Variants in FAM193B observed in about 807,000 individuals in gnomAD.
FAM193B encodes the protein protein FAM193B.
A neutral mutation model predicts 70.7 loss-of-function variants in FAM193B; 27 were observed. The observed-to-expected ratio is 0.38, with a 90% CI of 0.28 to 0.53. The LOEUF (loss-of-function observed/expected upper bound fraction) is 0.53. Ranked by LOEUF, FAM193B falls within the 20% of genes least tolerant of loss-of-function variation. FAM193B has a pLI of 0.81. For synonymous variants in FAM193B, 448 were observed against 436.0 expected (o/e 1.03, Z -0.34); for missense variants, 1,022 against 1,072.5 (o/e 0.95, Z 0.66).
intron 1 of FAM193B, 188 bp downstream of exon 1, chr5:177,554,058 GCCT>G (rs1766699684): frequency 7.4e-7 from 1 of 1,355,398 alleles, no homozygotes; most frequent in African/African-American, 1.5e-5. Context: ...CGCGGACCGA[GCCT>G]CGGCTTTGGG....
intron 7 of FAM193B, chr5:177,523,369 T>A (rs914993276): frequency 4.2e-6 from 1 of 237,266 alleles, no homozygotes; most frequent in South Asian, 4.0e-5. Flanking sequence ...TTTGTTTTTT[T>A]TCCTGAATAT....
At chr5:177,521,678 G>T (rs1761762818) in intron 8 of FAM193B, among the ~76,000 whole-genome samples, 1 of 152,256 alleles carries the variant, frequency 6.6e-6, no homozygotes, top group Admixed American at 6.5e-5. Context: ...GACCCTGATG[G>T]TTATGCCTTA....
chr5:177,531,176 TGAG>T, intron 5 of FAM193B: 14 of 1,149,486 alleles, frequency 1.2e-5, no homozygotes, highest in Non-Finnish European at 1.6e-5. Context: ...TGAGCCAAGC[TGAG>T]GCCTTTGGCA....
intron 8 of FAM193B, among the ~76,000 whole-genome samples, chr5:177,520,620 G>A (rs967712055): frequency 2.0e-5 from 3 of 152,254 alleles, no homozygotes; most frequent in African/African-American, 7.2e-5. Context: ...GTCAAGAGGA[G>A]GCAGTGGAAG....
intron 1 of FAM193B, chr5:177,554,006 G>C: frequency 7.7e-7 from 1 of 1,300,912 alleles, no homozygotes; most frequent in South Asian, 1.6e-5. Context: ...AACGCCCGGA[G>C]GCGGCGGGGA....
chr5:177,536,461 G>A lies in FAM193B; in HGVS notation c.973C>T (p.Pro325Ser), dbSNP rs550308150. 3.1e-6 allele frequency: 5 copies of A among 1,588,322 alleles called. No individual in the cohort carries two copies. The highest frequency in any genetic ancestry group is 4.3e-6 in the Non-Finnish European group (5 of 1,171,486). ...CAGGGGTGGCTGCACCCCGAGAATG[G>A]TGGGGGCATCTTCAGGAGCGGCATG... ...TSMPLLKMPP[P>S]FSGCSHPCSG... The change falls in exon 4 of 9, where the codon CCA becomes TCA. Residue 325 changes from proline (P) to serine (S), a missense_variant. Pro to Ser is a moderately conservative substitution (Grantham distance 74). Transcript: ENST00000514747.
chr5:177,525,554 C>A (rs561322441), intron 5 of FAM193B: 1 of 207,756 alleles, frequency 4.8e-6, no homozygotes, highest in East Asian at 1.0e-4. Context: ...TTCTCTCCAC[C>A]CCTACGGGTG....
In FAM193B at chr5:177,524,240, G is replaced by T. The variant is rs1195633198; in HGVS notation, c.2241C>A (p.Gly747=). The change falls in exon 6 of 9, where the codon GGC becomes GGA. Residue 747 remains glycine, a synonymous_variant. Transcript: ENST00000514747. The part of the protein sequence containing the change: ...GPARPQSLPQ[G]KGRSRRSRNK... Reference sequence around the variant, plus strand: ...TGCGGCTCCGGCGGCTGCGGCCCTTGCCCTGGGGCAAGCTCTGTGGCCTTG... The same window carrying T: ...TGCGGCTCCGGCGGCTGCGGCCCTTTCCCTGGGGCAAGCTCTGTGGCCTTG... The T allele has an allele frequency of 1.3e-6, 2 of 1,551,880 alleles. No homozygotes were observed. The highest frequency in any genetic ancestry group is 2.7e-5 in the African/African-American group (2 of 72,980).
In FAM193B at chr5:177,532,548, T is replaced by C. The variant is rs1347917653; in HGVS notation, c.1170A>G (p.Glu390=). Residue 390 remains glutamate, a synonymous_variant, in exon 5 of 9, where the codon GAA becomes GAG. Transcript: ENST00000514747. This position sits in a 1 kb window ranked among gnomAD's most constrained non-coding sequence, Gnocchi z 4.9. ...AGCTTCGCTCAGAGCTGCTATCCTC[T>C]TCCTCACCCAGCCCCTCATCTGCCT... ...PCEADEGLGE[E]EDSSSERSSC... 2 of 1,605,756 alleles carry C rather than the reference T, an allele frequency of 1.2e-6. No homozygotes were observed. The highest frequency in any genetic ancestry group is 1.3e-5 in the African/African-American group (1 of 74,724).
Position 177,554,272 on chromosome 5 carries a change from G to C in FAM193B, c.187C>G (p.Pro63Ala), listed in dbSNP as rs533041891. The C allele has an allele frequency of 1.5e-4, 222 of 1,474,404 alleles. No individual in the cohort carries two copies. Among genetic ancestry groups the C allele is most frequent in the Non-Finnish European group, 2.0e-4 (218 of 1,116,012 alleles). The allele number at this position is 1,474,404 out of a possible 1,614,324, so 91.3% of individuals were successfully genotyped here. The change falls in exon 1 of 9, where the codon CCC becomes GCC. Residue 63 changes from proline to alanine, a missense_variant. By Grantham distance (27) the Pro-to-Ala change is conservative. Transcript: ENST00000514747. The stretch of plus-strand genomic sequence containing the variant: ...ACCTGCGGGCCGGGCACCAGGTTGG[G>C]TTCGTCATCCTCCCTGGGGCCGTCG... ...DHDGPREDDE[P>A]NLVPGPQVPP...
At chr5:177,527,950 T>C (rs1762869424) in intron 5 of FAM193B, among the ~76,000 whole-genome samples, 1 of 152,128 alleles carries the variant, frequency 6.6e-6, no homozygotes, top group South Asian at 2.1e-4. Context: ...CCAGTAGCAG[T>C]TGGAGACGTG....
At chr5:177,521,888 A>C (rs1463905069) in intron 8 of FAM193B, 86 bp downstream of exon 8, 2 of 1,040,798 alleles carry the variant, frequency 1.9e-6, no homozygotes, top group Non-Finnish European at 1.5e-6. Context: ...CCTGTGCCCC[A>C]GAGCACAGAA....
chr5:177,534,072 G>A (rs1031989615), intron 4 of FAM193B, among the ~76,000 whole-genome samples: 2 of 152,252 alleles, frequency 1.3e-5, no homozygotes, highest in African/African-American at 4.8e-5. Context: ...GCTGGGCTGA[G>A]GCTGAGGTGG....
chr5:177,539,912 C>T (rs930749541), intron 1 of FAM193B, among the ~76,000 whole-genome samples: 5 of 152,100 alleles, frequency 3.3e-5, no homozygotes, highest in African/African-American at 1.2e-4. Context: ...ATCATCACTG[C>T]GTAGCAGGTA....
chr5:177,543,087 C>T (rs983934055), intron 1 of FAM193B, among the ~76,000 whole-genome samples: 3 of 152,178 alleles, frequency 2.0e-5, no homozygotes, highest in African/African-American at 7.2e-5. Context: ...GAGTAAAAGA[C>T]TGCATTCTTT....
Position 177,538,866 on chromosome 5 carries a change from C to T in FAM193B, c.453+39G>A. Reference sequence around the variant, plus strand: ...ACAGCCTGACTTCCTTGGGGAGGAGCCCTCCTGCATTCAGGGACCCCTGTC... The same window carrying T: ...ACAGCCTGACTTCCTTGGGGAGGAGTCCTCCTGCATTCAGGGACCCCTGTC... On this transcript the variant is annotated intron_variant, in intron 2 of 8. Coordinates refer to ENST00000514747, the MANE Select transcript of FAM193B (RefSeq NM_001190946.3). This position sits in a 1 kb window ranked among gnomAD's most constrained non-coding sequence, Gnocchi z 4.1. The T allele has an allele frequency of 6.2e-7, 1 of 1,607,830 alleles. No individual in the cohort carries two copies. The highest frequency in any genetic ancestry group is 8.5e-7 in the Non-Finnish European group (1 of 1,175,742).
intron 8 of FAM193B, among the ~76,000 whole-genome samples, chr5:177,521,484 C>T (rs1761727873): frequency 6.6e-6 from 1 of 152,216 alleles, no homozygotes; most frequent in African/African-American, 2.4e-5. Flanking sequence ...GCCTAAATGA[C>T]CCACGATGTT....
chr5:177,537,794 T>C, intron 3 of FAM193B, 79 bp downstream of exon 3: 4 of 1,485,390 alleles, frequency 2.7e-6, no homozygotes, highest in East Asian at 2.4e-5. Context: ...GTCTTATGAT[T>C]TGTTTGAACA....
intron 5 of FAM193B, chr5:177,531,641 C>G: frequency 7.8e-6 from 7 of 902,676 alleles, no homozygotes; most frequent in Non-Finnish European, 1.0e-5. Context: ...TACCATTAGC[C>G]ACCAAGGCCA....
Sources: gnomAD v4.1 joint callset for allele counts (sites outside exome capture counted in the v4.1 genomes callset) on GRCh38, gnomAD v4.1.1 for gene constraint, Gnocchi (gnomAD v3.1) non-coding constraint, MANE v1.5 for transcripts, NCBI Gene and HGNC (gene_info 2026-07-23, HGNC 2026-07-21) for gene names.